The following LRP2 variants were observed in gnomAD, a reference collection of about 807,000 sequenced individuals.
The protein encoded by LRP2 is low-density lipoprotein receptor-related protein 2.
Under a neutral mutation model 531.0 loss-of-function variants are expected in LRP2, and 172 were observed. The ratio of observed to expected loss-of-function variants is 0.32; its 90% CI spans 0.29 to 0.37. The LOEUF (loss-of-function observed/expected upper bound fraction) is 0.37. Ranked by LOEUF, LRP2 falls within the 10% of genes least tolerant of loss-of-function variation. The pLI, the probability that LRP2 is intolerant of heterozygous loss-of-function variation, is 1.00. For missense variants in LRP2, 5,167 were observed against 5,868.3 expected (o/e 0.88, Z 3.90); for synonymous variants, 1,992 against 2,027.6 (o/e 0.98, Z 0.47).
At chr2:169,293,973 G>C (rs759768560) in intron 6 of LRP2, among the ~76,000 whole-genome samples, 175 bp downstream of exon 6, 11 of 151,960 alleles carry the variant, frequency 7.2e-5, no homozygotes, top group Non-Finnish European at 1.6e-4. Context: ...CACCACAAAG[G>C]CTTGTGCCAA....
At chr2:169,219,525 C>A (rs1158277677) in intron 34 of LRP2, among the ~76,000 whole-genome samples, 5 of 152,140 alleles carry the variant, frequency 3.3e-5, no homozygotes, top group Non-Finnish European at 7.4e-5. Flanking sequence ...CAATCCTGAC[C>A]AATTTTTCTA....
intron 1 of LRP2, among the ~76,000 whole-genome samples, chr2:169,336,246 G>A (rs1456493718): frequency 2.6e-5 from 4 of 151,594 alleles, no homozygotes; most frequent in East Asian, 3.9e-4. Context: ...CCCTGCAAAC[G>A]AAGGAATGAG....
chr2:169,222,376 T>C (rs1253589172), intron 33 of LRP2, among the ~76,000 whole-genome samples: 1 of 152,236 alleles, frequency 6.6e-6, no homozygotes, highest in Non-Finnish European at 1.5e-5. Context: ...TTAAGTAATT[T>C]GTCCAAGGTC....
At chr2:169,254,968 A>G (rs532285816) in intron 19 of LRP2, among the ~76,000 whole-genome samples, 55 of 152,186 alleles carry the variant, frequency 3.6e-4, no homozygotes, top group African/African-American at 1.2e-3. Flanking sequence ...TTTTTTAAAT[A>G]CCACACACTC....
intron 9 of LRP2, among the ~76,000 whole-genome samples, chr2:169,288,248 T>A (rs919430579): frequency 3.9e-5 from 6 of 152,162 alleles, no homozygotes; most frequent in African/African-American, 1.4e-4. Flanking sequence ...TGATAGTTGG[T>A]CAAGTCTAAT....
intron 62 of LRP2, among the ~76,000 whole-genome samples, chr2:169,165,643 C>T (rs1686753332): frequency 6.6e-6 from 1 of 152,180 alleles, no homozygotes; most frequent in Admixed American, 6.5e-5. Flanking sequence ...TGTTTGTTCT[C>T]AGTTTCTTAT....
chr2:169,197,087 G>A lies in LRP2; in HGVS notation c.8579-57C>T. ...GCAAAACACAAGCATGTTCCCATCA[G>A]TCTTAACAATCTGCCTCTATCTCTG... is the stretch of plus-strand genomic sequence containing the variant. On this transcript the variant is annotated intron_variant, in intron 45 of 78. Coordinates refer to ENST00000649046, the MANE Select transcript of LRP2 (RefSeq NM_004525.3). 4 of 1,601,760 alleles carry A rather than the reference G, an allele frequency of 2.5e-6. No homozygotes were observed. In the South Asian group the frequency reaches 4.4e-5, roughly 18 times the overall value.
chr2:169,245,829 A>G (rs1167978475), intron 21 of LRP2, among the ~76,000 whole-genome samples: 4 of 152,156 alleles, frequency 2.6e-5, no homozygotes, highest in African/African-American at 9.7e-5. Context: ...CGGTTGCTAA[A>G]TGTTAGGTCT....
At position 169,180,847 on chromosome 2, in the gene LRP2, G is replaced by T. The variant is rs576277795; in HGVS notation, c.10169+601C>A. Among the ~76,000 whole-genome samples the T allele has an allele frequency of 7.5e-4, 114 of 152,236 alleles. 1 individual carries two copies. In the East Asian group the frequency reaches 0.014, roughly 18 times the overall value. On this transcript the variant is annotated intron_variant, in intron 52 of 78. Coordinates refer to ENST00000649046, the MANE Select transcript of LRP2 (RefSeq NM_004525.3). ...ATATGGGTATTGTTGTTTAATTTTTGATTAATAATGTGTATCATCTTTTTA... is the reference window on the plus strand; with the variant it reads ...ATATGGGTATTGTTGTTTAATTTTTTATTAATAATGTGTATCATCTTTTTA...
chr2:169,181,968 GAAAAC>G (rs1036768116), intron 51 of LRP2, among the ~76,000 whole-genome samples, 194 bp downstream of exon 51: 1 of 152,156 alleles, frequency 6.6e-6, no homozygotes, highest in Admixed American at 6.5e-5. Context: ...TCAGGGAAAA[GAAAAC>G]AGAAGAGCTG....
chr2:169,225,433 C>A lies in LRP2; in HGVS notation c.5415G>T (p.Lys1805Asn). Residue 1805 changes from lysine (K) to asparagine (N), a missense_variant, in exon 33 of 79, where the codon AAG (lysine) becomes AAT (asparagine). By Grantham distance (94) the Lys-to-Asn change is moderately conservative. Around this residue, in one of 6 missense-constraint regions of LRP2, gnomAD observed 2,811 missense variants for 3,058.0 expected, o/e 0.92. Coordinates refer to ENST00000649046, the MANE Select transcript of LRP2 (RefSeq NM_004525.3). ...ATACTGTCCTGTTGGTGCCATCTGT[C>A]TTCACTCTGTGAATTTCACCCTGGA... ...VENPGEIHRV[K>N]TDGTNRTVFA... is the part of the protein sequence containing the mutation. 1 of 1,614,032 alleles carries A rather than the reference C, an allele frequency of 6.2e-7. No homozygotes were observed. The highest frequency in any genetic ancestry group is 8.5e-7 in the Non-Finnish European group (1 of 1,179,946).
intron 16 of LRP2, among the ~76,000 whole-genome samples, chr2:169,262,954 T>C (rs1356452077): frequency 6.6e-6 from 1 of 152,102 alleles, no homozygotes; most frequent in Non-Finnish European, 1.5e-5. Flanking sequence ...TATCTACAAC[T>C]ATCTGATCTT....
In LRP2 at chr2:169,185,966, C is replaced by T; in HGVS notation, c.9382G>A (p.Asp3128Asn). 6.2e-7 allele frequency: 1 copy of T among 1,613,926 alleles called. No homozygotes were observed. Among genetic ancestry groups the T allele is most frequent in the Non-Finnish European group, 8.5e-7 (1 of 1,179,954 alleles). Residue 3128 changes from aspartate to asparagine, a missense_variant, in exon 50 of 79, where the codon GAC (aspartate) becomes AAC (asparagine). Transcript: ENST00000649046. The part of the protein sequence containing the change: ...SISGCDHNCT[D>N]TLTSFYCSCR... ...GAACAATAGAAACTGGTTAAGGTGT[C>T]TGTGCAGTTGTGATCGCAGCCACTG...
intron 17 of LRP2, among the ~76,000 whole-genome samples, chr2:169,258,409 G>A (rs902607747): frequency 6.6e-6 from 1 of 152,066 alleles, no homozygotes; most frequent in Non-Finnish European, 1.5e-5. Context: ...GCATTGGTGG[G>A]TTAGCAGCCA....
At chr2:169,261,723 A>T (rs1270498956) in intron 16 of LRP2, among the ~76,000 whole-genome samples, 1 of 152,118 alleles carries the variant, frequency 6.6e-6, no homozygotes, top group African/African-American at 2.4e-5. Flanking sequence ...AAAAAGAGGG[A>T]ATCCTCCCTA....
chr2:169,355,883 T>A (rs1377431322), intron 1 of LRP2, among the ~76,000 whole-genome samples: 1 of 152,196 alleles, frequency 6.6e-6, no homozygotes, highest in Non-Finnish European at 1.5e-5. Context: ...TATCTGTATC[T>A]TTTCAACTAT....
chr2:169,240,867 A>T, intron 25 of LRP2, 121 bp downstream of exon 25: 1 of 1,167,990 alleles, frequency 8.6e-7, no homozygotes, highest in East Asian at 2.3e-5. Flanking sequence ...ACAGATGTGA[A>T]CTCATAGAGG....
intron 33 of LRP2, 36 bp from the exon 34 acceptor site, chr2:169,220,599 A>G (rs1283764401): frequency 7.0e-7 from 1 of 1,425,186 alleles, no homozygotes; most frequent in East Asian, 2.3e-5. Context: ...ACTGACTTTC[A>G]TAAGGGGAAC....
chr2:169,204,340 A>G, intron 41 of LRP2, 69 bp from the exon 42 acceptor site: 1 of 1,386,218 alleles, frequency 7.2e-7, no homozygotes, highest in Non-Finnish European at 1.0e-6. Flanking sequence ...CTGGCAGCCC[A>G]ATGCATGCGC....
Sources: gnomAD v4.1 joint callset for allele counts (sites outside exome capture counted in the v4.1 genomes callset) on GRCh38, gnomAD v4.1.1 for gene constraint, gnomAD v4.1.1 regional missense constraint, MANE v1.5 for transcripts, NCBI Gene and HGNC (gene_info 2026-07-23, HGNC 2026-07-21) for gene names.